OSBPL11: variants seen among roughly 807,000 people sequenced by gnomAD.
OSBPL11 encodes oxysterol-binding protein-related protein 11.
In OSBPL11, 33 loss-of-function variants were observed where a neutral mutation model predicts 84.4. The observed-to-expected ratio is 0.39, with a 90% CI of 0.30 to 0.52. The LOEUF (loss-of-function observed/expected upper bound fraction) is 0.52, where lower values mean the gene tolerates loss of function less well. Among genes scored for constraint, OSBPL11 ranks in the 20% least tolerant of loss-of-function variants. OSBPL11 has a pLI of 0.72. For missense variants in OSBPL11, 736 were observed against 901.1 expected (o/e 0.82, Z 2.35); for synonymous variants, 276 against 310.2 (o/e 0.89, Z 1.16).
At chr3:125,543,533 G>A (rs555237380) in intron 10 of OSBPL11, among the ~76,000 whole-genome samples, 1 of 152,266 alleles carries the variant, frequency 6.6e-6, no homozygotes, top group East Asian at 1.9e-4. Context: ...TTAAAGCTGT[G>A]ATCAAAAGCT....
rs1936669246 is a variant in OSBPL11, at chr3:125,595,382, A to C, written c.-582T>G. 6.6e-6 allele frequency among the ~76,000 whole-genome samples: 1 copy of C among 151,556 alleles called. No individual in the cohort carries two copies. The highest frequency in any genetic ancestry group is 6.6e-5 in the Admixed American group (1 of 15,222). ...GCCGGCTCCCGGGGCCGCCTCTCCCAGGGCCAGAGGCGAGCCACTCGGGAC... is the reference window on the plus strand; with the variant it reads ...GCCGGCTCCCGGGGCCGCCTCTCCCCGGGCCAGAGGCGAGCCACTCGGGAC... On this transcript the variant is annotated 5_prime_UTR_variant, in exon 1 of 13. Transcript: ENST00000296220.
chr3:125,593,417 C>T (rs921057556), intron 1 of OSBPL11, among the ~76,000 whole-genome samples: 1 of 152,004 alleles, frequency 6.6e-6, no homozygotes, highest in Non-Finnish European at 1.5e-5. Flanking sequence ...GTCAGGAGTT[C>T]GAGACCAGCC....
chr3:125,576,466 T>A, intron 4 of OSBPL11, 101 bp from the exon 5 acceptor site: 1 of 847,614 alleles, frequency 1.2e-6, no homozygotes, highest in Non-Finnish European at 1.7e-6. Context: ...GAGCAGCGTT[T>A]AAAATTAAAT....
chr3:125,571,626 G>GATC (rs1936244074), intron 5 of OSBPL11, among the ~76,000 whole-genome samples: 1 of 152,180 alleles, frequency 6.6e-6, no homozygotes, highest in Non-Finnish European at 1.5e-5. Context: ...GCTGAAAGGG[G>GATC]TCAACGTAGA....
chr3:125,559,931 TAA>T (rs56316048), intron 8 of OSBPL11, among the ~76,000 whole-genome samples: 6 of 142,446 alleles, frequency 4.2e-5, no homozygotes, highest in African/African-American at 5.1e-5. Context: ...ATCAGGAGAC[TAA>T]AAAAAAAAAA....
Position 125,567,370 on chromosome 3 carries a change from C to A in OSBPL11, c.868+24G>T, listed in dbSNP as rs772463568. 2.5e-6 allele frequency: 4 copies of A among 1,570,696 alleles called. No individual in the cohort carries two copies. In the African/African-American group the frequency reaches 4.1e-5, roughly 16 times the overall value. ...CCATGTGTTGGCCTTCATTGTGAAG[C>A]CCTACCTTTAATCGACAACTTACCT... On this transcript the variant is annotated intron_variant, in intron 6 of 12. Transcript: ENST00000296220.
intron 1 of OSBPL11, among the ~76,000 whole-genome samples, chr3:125,589,620 A>G (rs1936568320): frequency 6.6e-6 from 1 of 151,208 alleles, no homozygotes; most frequent in African/African-American, 2.4e-5. Context: ...TGCAGAGGAA[A>G]AAAAAAAAAA....
chr3:125,559,525 C>T (rs1400609129), intron 8 of OSBPL11, among the ~76,000 whole-genome samples: 1 of 152,066 alleles, frequency 6.6e-6, no homozygotes, highest in African/African-American at 2.4e-5. Context: ...AGTAGCTGGA[C>T]TACAGGCCAC....
chr3:125,564,458 T>G (rs1419812337), intron 6 of OSBPL11, among the ~76,000 whole-genome samples: 1 of 152,220 alleles, frequency 6.6e-6, no homozygotes. Context: ...CCTGTCATCT[T>G]CTCGGTTAAT....
In OSBPL11 at chr3:125,538,616, T is replaced by C; in HGVS notation, c.1859A>G (p.Lys620Arg). The change falls in exon 11 of 13, where the codon AAG becomes AGG. Residue 620 changes from lysine (K) to arginine (R), a missense_variant. By Grantham distance (26) the Lys-to-Arg change is conservative. Coordinates refer to ENST00000296220, the MANE Select transcript of OSBPL11 (RefSeq NM_022776.5). ...GKLHRVTAEVKHNITNTVVCR... is the reference protein window; with the variant it reads ...GKLHRVTAEVRHNITNTVVCR... ...TACCACAGTGTTGGTGATGTTGTGC[T>C]TTACTTCAGCTGTAACCCTAGAAGC... 3 of 1,610,006 alleles carry C rather than the reference T, an allele frequency of 1.9e-6. No individual in the cohort carries two copies. The South Asian group carries it at 3.3e-5, about 18-fold the overall frequency.
intron 2 of OSBPL11, among the ~76,000 whole-genome samples, chr3:125,581,679 G>C (rs1056420972): frequency 1.6e-5 from 2 of 124,756 alleles, no homozygotes; most frequent in Non-Finnish European, 3.1e-5. Context: ...CTAGGTGACA[G>C]AGTGAGACTC....
intron 4 of OSBPL11, 41 bp downstream of exon 4, chr3:125,578,919 C>A: frequency 8.0e-7 from 1 of 1,250,146 alleles, no homozygotes; most frequent in South Asian, 1.6e-5. Context: ...AATATTCCTT[C>A]CTCATTTTTG....
intron 8 of OSBPL11, among the ~76,000 whole-genome samples, chr3:125,559,544 G>A (rs1355464415): frequency 6.6e-6 from 1 of 152,052 alleles, no homozygotes; most frequent in African/African-American, 2.4e-5. Flanking sequence ...ACCATGCCCG[G>A]CTAATTTTTG....
At chr3:125,557,171 A>C (rs1936002544) in intron 8 of OSBPL11, among the ~76,000 whole-genome samples, 1 of 152,210 alleles carries the variant, frequency 6.6e-6, no homozygotes, top group Non-Finnish European at 1.5e-5. Context: ...ATATTATTTA[A>C]AAAGAAACAA....
At chr3:125,540,328 CAAAAAA>C (rs201858368) in intron 10 of OSBPL11, among the ~76,000 whole-genome samples, 154 of 85,292 alleles carry the variant, frequency 1.8e-3, no homozygotes, top group African/African-American at 7.8e-3. Flanking sequence ...GGCTCTGTCT[CAAAAAA>C]AAAAAAAAAA....
At chr3:125,549,322 C>T (rs575627413) in intron 9 of OSBPL11, among the ~76,000 whole-genome samples, 1 of 152,346 alleles carries the variant, frequency 6.6e-6, no homozygotes, top group East Asian at 1.9e-4. Context: ...CCACGCCCAG[C>T]CCCATTCCTG....
chr3:125,554,223 A>G (rs188609633), intron 8 of OSBPL11, among the ~76,000 whole-genome samples: 39 of 152,336 alleles, frequency 2.6e-4, no homozygotes, highest in Admixed American at 7.2e-4. Context: ...GGAGAATAGC[A>G]AGGAATTCTA....
chr3:125,579,558 A>C (rs1936388902), intron 3 of OSBPL11, among the ~76,000 whole-genome samples: 1 of 152,238 alleles, frequency 6.6e-6, no homozygotes, highest in Non-Finnish European at 1.5e-5. Context: ...AACCAAGTAA[A>C]GGGGTGAAAT....
Position 125,560,399 on chromosome 3 carries a change from G to A in OSBPL11, c.1135C>T (p.Leu379=), listed in dbSNP as rs1180268452. ...CTTACTCTTGTTAAATCCATGCCCA[G>A]CTTAAGCTGTGACAAGAGATGTAGG... ...VILHLLSQLK[L]GMDLTRVVLP... Residue 379 remains leucine, a synonymous_variant, in exon 8 of 13, where the codon CTG becomes TTG. Transcript: ENST00000296220. 6.3e-7 allele frequency: 1 copy of A among 1,579,988 alleles called. No individual in the cohort carries two copies. Among genetic ancestry groups the A allele is most frequent in the South Asian group, 1.2e-5 (1 of 83,504 alleles).
Sources: gnomAD v4.1 joint callset for allele counts (sites outside exome capture counted in the v4.1 genomes callset) on GRCh38, gnomAD v4.1.1 for gene constraint, MANE v1.5 for transcripts, NCBI Gene and HGNC (gene_info 2026-07-23, HGNC 2026-07-21) for gene names.